Variants in ADAMTS10 observed in about 807,000 individuals in gnomAD.
ADAMTS10 encodes ADAM metallopeptidase with thrombospondin type 1 motif 10.
Under a neutral mutation model 135.9 loss-of-function variants are expected in ADAMTS10, and 48 were observed. The ratio of observed to expected loss-of-function variants is 0.35; its 90% CI spans 0.28 to 0.45. The LOEUF (loss-of-function observed/expected upper bound fraction) is 0.45, where lower values mean the gene tolerates loss of function less well. Ranked by LOEUF, ADAMTS10 falls within the 20% of genes least tolerant of loss-of-function variation. The pLI is 1.00. For missense variants in ADAMTS10, 1,131 were observed against 1,565.2 expected (o/e 0.72, Z 4.68); for synonymous variants, 621 against 647.5 (o/e 0.96, Z 0.62).
chr19:8,580,658 G>GC lies in ADAMTS10; in HGVS notation c.*234_*235insG. 1.9e-6 allele frequency: 1 copy of GC among 524,362 alleles called. No individual in the cohort carries two copies. Among genetic ancestry groups the GC allele is most frequent in the Non-Finnish European group, 3.5e-6 (1 of 288,996 alleles). The allele number at this position is 524,362 out of a possible 1,614,324, so 32.5% of individuals were successfully genotyped here. ...CCCTCCCCAGACCCACCCTGGAGGG[G>GC]GGGTCTCACTATGTGAACTGGAAGG... On this transcript the variant is annotated 3_prime_UTR_variant, in exon 26 of 26. Transcript: ENST00000597188.
At position 8,603,833 on chromosome 19, in the gene ADAMTS10, C is replaced by T. The variant is rs373876511; in HGVS notation, c.487G>A (p.Gly163Ser). 1.2e-5 allele frequency: 20 copies of T among 1,613,996 alleles called. No homozygotes were observed. The East Asian group carries it at 1.3e-4, about 11-fold the overall frequency. The part of the protein sequence containing the change: ...EEEYLIEPLH[G>S]GPKGSRSPEE... ...GGGCTCCGAGAACCCTTGGGCCCAC[C>T]GTGCAGGGGCTCAATCAGGTACTCT... The change falls in exon 5 of 26, where the codon GGT (glycine) becomes AGT (serine). Residue 163 changes from glycine (G) to serine (S), a missense_variant. By Grantham distance (56) the Gly-to-Ser change is moderately conservative. This residue lies in a region of ADAMTS10 where 306 missense variants were observed against 344.4 expected (regional missense o/e 0.89). Transcript: ENST00000597188.
Position 8,601,321 on chromosome 19 carries a change from C to T in ADAMTS10, c.593-176G>A, listed in dbSNP as rs1249731154. 1.3e-5 allele frequency among the ~76,000 whole-genome samples: 2 copies of T among 151,964 alleles called. No homozygotes were observed. Among genetic ancestry groups the T allele is most frequent in the African/African-American group, 4.8e-5 (2 of 41,344 alleles). On this transcript the variant is annotated intron_variant, in intron 5 of 25. Transcript: ENST00000597188. The surrounding 1 kb of genome is among the most constrained non-coding windows in gnomAD (Gnocchi z 4.6). The stretch of plus-strand genomic sequence containing the variant: ...TCCAGCTACCTGTGTGATGGTCTGT[C>T]TGCCCAATGGGCTGCCAAACACCTC...
In ADAMTS10 at chr19:8,580,953, A is replaced by G. The variant is rs781956655; in HGVS notation, c.3252T>C (p.Phe1084=). Residue 1084 remains phenylalanine, a synonymous_variant, in exon 26 of 26, where the codon TTT becomes TTC. Transcript: ENST00000597188. The part of the protein sequence containing the change: ...KVAYCPLVLK[F]QFCSRAYFRQ... ...GGAAGTAGGCTCGGCTGCAGAACTG[A>G]AATTTGAGCACCAGGGGGCAGTAGG... The G allele has an allele frequency of 6.2e-7, 1 of 1,613,430 alleles. No individual in the cohort carries two copies. The highest frequency in any genetic ancestry group is 8.5e-7 in the Non-Finnish European group (1 of 1,179,812).
intron 25 of ADAMTS10, among the ~76,000 whole-genome samples, chr19:8,583,649 C>G (rs2042383264): frequency 1.3e-5 from 2 of 150,632 alleles, no homozygotes; most frequent in Admixed American, 6.6e-5. Context: ...GAGTTCAAGA[C>G]CAGCCTGGGC....
chr19:8,582,921 A>T (rs1459309292), intron 25 of ADAMTS10, among the ~76,000 whole-genome samples: 5 of 152,108 alleles, frequency 3.3e-5, no homozygotes, highest in East Asian at 3.9e-4. Flanking sequence ...TTGTGTTGGG[A>T]TTACAGGCGT....
At chr19:8,586,031 T>C (rs1456541141) in intron 22 of ADAMTS10, 91 bp downstream of exon 22, 2 of 1,592,470 alleles carry the variant, frequency 1.3e-6, no homozygotes, top group African/African-American at 1.3e-5. Context: ...TCTGCACTAA[T>C]CTGCTCCCCA....
In ADAMTS10 at chr19:8,580,983, C is replaced by G. The variant is rs782109594; in HGVS notation, c.3222G>C (p.Lys1074Asn). ...TGAGCACCAGGGGGCAGTAGGCGAC[C>G]TTGTTCACATCCTTGCACTCTGCGG... is the stretch of plus-strand genomic sequence containing the variant. ...DGPEECKDVN[K>N]VAYCPLVLKF... The change falls in exon 26 of 26, where the codon AAG becomes AAC. Residue 1074 changes from lysine (K) to asparagine (N), a missense_variant. Transcript: ENST00000597188. The G allele has an allele frequency of 1.2e-6, 2 of 1,613,618 alleles. No individual in the cohort carries two copies. Among genetic ancestry groups the G allele is most frequent in the Non-Finnish European group, 1.7e-6 (2 of 1,179,798 alleles).
intron 1 of ADAMTS10, among the ~76,000 whole-genome samples, chr19:8,609,583 T>C (rs2042758714): frequency 6.6e-6 from 1 of 151,932 alleles, no homozygotes; most frequent in South Asian, 2.1e-4. Context: ...CAGGAGGCAG[T>C]CCCTGCCGGA....
rs371217540 is a variant in ADAMTS10, at chr19:8,596,396, G to A, written c.1101C>T (p.Gly367=). 111 of 1,613,144 alleles carry A rather than the reference G, an allele frequency of 6.9e-5. No individual in the cohort carries two copies. The highest frequency in any genetic ancestry group is 4.8e-4 in the African/African-American group (36 of 74,924). ...PCGTLGLAPV[G]GMCERERSCS... ...AGCTTCTCTCGCGCTCACACATTCC[G>A]CCCACCGGGGCCAGGCCTGGGAAGA... The change falls in exon 10 of 26, where the codon GGC becomes GGT. Residue 367 remains glycine, a synonymous_variant. Transcript: ENST00000597188. The surrounding 1 kb of genome is among the most constrained non-coding windows in gnomAD (Gnocchi z 7.2).
intron 12 of ADAMTS10, among the ~76,000 whole-genome samples, chr19:8,593,792 C>G (rs889801419): frequency 1.3e-5 from 2 of 152,140 alleles, no homozygotes; most frequent in Admixed American, 1.3e-4. Flanking sequence ...AACCTCCCAG[C>G]GTCTTTCCTC....
At chr19:8,588,598 C>A (rs2042471871) in intron 18 of ADAMTS10, among the ~76,000 whole-genome samples, 1 of 152,120 alleles carries the variant, frequency 6.6e-6, no homozygotes. Context: ...TGCCCAAAGC[C>A]CAAGCTGGAA....
rs782351264 is a variant in ADAMTS10 at position 8,605,817 on chromosome 19, G to A, written c.-99-8C>T. On this transcript the variant is annotated splice_region_variant and splice_polypyrimidine_tract_variant and intron_variant, in intron 2 of 25. Transcript: ENST00000597188. The surrounding 1 kb of genome is among the most constrained non-coding windows in gnomAD (Gnocchi z 7.7). ...CGCAGCATCACCGGGCTCCTGGGAG[G>A]GGGGAGCCAGGTAAGGGGGCGCCTG... is the stretch of plus-strand genomic sequence containing the variant. 9 of 1,509,738 alleles carry A rather than the reference G, an allele frequency of 6.0e-6. No individual in the cohort carries two copies. In the South Asian group the frequency reaches 9.8e-5, roughly 16 times the overall value. The allele number at this position is 1,509,738 out of a possible 1,614,324, so 93.5% of individuals were successfully genotyped here.
chr19:8,598,144 T>A (rs1555740681), intron 6 of ADAMTS10, among the ~76,000 whole-genome samples: 1 of 152,154 alleles, frequency 6.6e-6, no homozygotes, highest in East Asian at 1.9e-4. Flanking sequence ...ACAGGTGCTA[T>A]TATCATCCCC....
At chr19:8,594,331 A>G (rs1249285926) in intron 12 of ADAMTS10, among the ~76,000 whole-genome samples, 1 of 152,190 alleles carries the variant, frequency 6.6e-6, no homozygotes, top group Non-Finnish European at 1.5e-5. Context: ...CAGGATAGAT[A>G]AGAAAGGACT....
rs141253647 is a variant in ADAMTS10, at chr19:8,600,833, G to A, written c.810+95C>T. The A allele has an allele frequency of 4.5e-3, 6,578 of 1,475,388 alleles. 14 individuals are homozygous for A. Among genetic ancestry groups the A allele is most frequent in the Non-Finnish European group, 5.7e-3 (6,003 of 1,061,004 alleles). The allele number at this position is 1,475,388 out of a possible 1,614,324, so 91.4% of individuals were successfully genotyped here. ...CTTTCTACCCCTGTCCCCACGTCAG[G>A]GATTGGGGTGGGATGGTAGCCACCC... On this transcript the variant is annotated intron_variant, in intron 6 of 25. Transcript: ENST00000597188.
In ADAMTS10 at chr19:8,605,091, C is replaced by T. The variant is rs3814291; in HGVS notation, c.356G>A (p.Arg119Gln). The change falls in exon 4 of 26, where the codon CGG becomes CAG. Residue 119 changes from arginine (R) to glutamine (Q), a missense_variant. Coordinates refer to ENST00000597188, the MANE Select transcript of ADAMTS10 (RefSeq NM_030957.4). This position sits in a 1 kb window ranked among gnomAD's most constrained non-coding sequence, Gnocchi z 7.7. ...GTGACCAGCGTAGAGGCAGTGGGGCCGGGCCGCCCTCTGCCAGGCCAGGCC... is the reference window on the plus strand; with the variant it reads ...GTGACCAGCGTAGAGGCAGTGGGGCTGGGCCGCCCTCTGCCAGGCCAGGCC... The part of the protein sequence containing the change: ...REGLAWQRAA[R>Q]PHCLYAGHLQ... The T allele has an allele frequency of 3.0e-3, 4,778 of 1,612,730 alleles. 148 individuals are homozygous for T. In the Admixed American group the frequency reaches 0.061, roughly 21 times the overall value.
At chr19:8,600,088 T>G (rs2042646469) in intron 6 of ADAMTS10, among the ~76,000 whole-genome samples, 1 of 152,104 alleles carries the variant, frequency 6.6e-6, no homozygotes, top group Admixed American at 6.6e-5. Context: ...CTGCCCACCT[T>G]GGGCATGAGC....
intron 25 of ADAMTS10, among the ~76,000 whole-genome samples, chr19:8,584,676 T>C (rs2146037119): frequency 6.6e-6 from 1 of 152,238 alleles, no homozygotes; most frequent in Non-Finnish European, 1.5e-5. Flanking sequence ...TGTCACAAGT[T>C]TGGGTGCACA....
In ADAMTS10 at chr19:8,596,358, T is replaced by G; in HGVS notation, c.1139A>C (p.Glu380Ala). The change falls in exon 10 of 26, where the codon GAG (glutamate) becomes GCG (alanine). Residue 380 changes from glutamate to alanine, a missense_variant. By Grantham distance (107) the Glu-to-Ala change is moderately radical (BLOSUM62 -1). Coordinates refer to ENST00000597188, the MANE Select transcript of ADAMTS10 (RefSeq NM_030957.4). This position sits in a 1 kb window ranked among gnomAD's most constrained non-coding sequence, Gnocchi z 7.2. ...CERERSCSVN[E>A]DIGLATAFTI... is the part of the protein sequence containing the mutation. The stretch of plus-strand genomic sequence containing the variant: ...GAACGCTGTGGCCAGGCCAATGTCC[T>G]CATTGACGCTGCAGCTTCTCTCGCG... The G allele has an allele frequency of 6.2e-7, 1 of 1,613,124 alleles. No individual in the cohort carries two copies.
Sources: gnomAD v4.1 joint callset for allele counts (sites outside exome capture counted in the v4.1 genomes callset) on GRCh38, gnomAD v4.1.1 for gene constraint, gnomAD v4.1.1 regional missense constraint, Gnocchi (gnomAD v3.1) non-coding constraint, MANE v1.5 for transcripts, NCBI Gene and HGNC (gene_info 2026-07-23, HGNC 2026-07-21) for gene names.